SUPT3H: variants seen among roughly 807,000 people sequenced by gnomAD.
The protein encoded by SUPT3H is transcription initiation protein SPT3 homolog.
Under a neutral mutation model 44.3 loss-of-function variants are expected in SUPT3H, and 44 were observed. That is an observed-to-expected ratio of 0.99 (90% CI 0.78 to 1.28). The LOEUF is 1.28. Among genes scored for constraint, SUPT3H ranks in the 50% most tolerant of loss-of-function variants. SUPT3H has a pLI of 0.00. For missense variants in SUPT3H, 380 were observed against 387.1 expected (o/e 0.98, Z 0.15); for synonymous variants, 124 against 125.6 (o/e 0.99, Z 0.09).
intron 2 of SUPT3H, among the ~76,000 whole-genome samples, chr6:45,360,914 T>G (rs2150247826): frequency 6.6e-6 from 1 of 152,328 alleles, no homozygotes; most frequent in South Asian, 2.1e-4. Flanking sequence ...ATTTGTCTCC[T>G]TCTCTACTGC....
chr6:45,083,240 G>A (rs919549908), intron 3 of SUPT3H, among the ~76,000 whole-genome samples: 8 of 151,424 alleles, frequency 5.3e-5, no homozygotes, highest in East Asian at 1.9e-4. Context: ...AGCCCAGGCC[G>A]GAGTGCAGTG....
intron 10 of SUPT3H, among the ~76,000 whole-genome samples, chr6:44,857,267 C>T (rs977732860): frequency 6.6e-6 from 1 of 152,056 alleles, no homozygotes; most frequent in Non-Finnish European, 1.5e-5. Context: ...ACACAAAGCG[C>T]CATAATGGAC....
At chr6:45,199,135 C>A (rs1816573807) in intron 2 of SUPT3H, among the ~76,000 whole-genome samples, 1 of 151,054 alleles carries the variant, frequency 6.6e-6, no homozygotes, top group Non-Finnish European at 1.5e-5. Context: ...TGTATTAACT[C>A]AAAGACAATA....
intron 2 of SUPT3H, among the ~76,000 whole-genome samples, chr6:45,166,974 A>C (rs1182248858): frequency 6.6e-6 from 1 of 152,224 alleles, no homozygotes; most frequent in Non-Finnish European, 1.5e-5. Context: ...CAGTTTTTTA[A>C]ACAGTAAACA....
intron 2 of SUPT3H, among the ~76,000 whole-genome samples, chr6:45,206,833 A>C (rs1763287265): frequency 6.6e-6 from 1 of 152,120 alleles, no homozygotes; most frequent in African/African-American, 2.4e-5. Context: ...TGGCAGCAGG[A>C]GCATGTTTGA....
At chr6:44,988,519 TAA>T (rs66489332) in intron 6 of SUPT3H, among the ~76,000 whole-genome samples, 2,045 of 100,246 alleles carry the variant, frequency 0.02, 26 homozygotes, top group African/African-American at 0.069. Context: ...AAGGCTTAAA[TAA>T]AAAAAAAAAA....
intron 10 of SUPT3H, among the ~76,000 whole-genome samples, chr6:44,908,393 C>T (rs1284184090): frequency 4.6e-5 from 7 of 152,046 alleles, no homozygotes; most frequent in Admixed American, 1.3e-4. Flanking sequence ...CCTCGTGATC[C>T]GCCCACCTAG....
intron 10 of SUPT3H, among the ~76,000 whole-genome samples, chr6:44,847,155 A>G (rs16869119): frequency 0.15 from 23,513 of 152,192 alleles, 2,227 homozygotes; most frequent in Admixed American, 0.28. Flanking sequence ...TGAAAGACTA[A>G]TATTTTTTTT....
chr6:44,875,809 A>G (rs1777169522), intron 10 of SUPT3H, among the ~76,000 whole-genome samples: 1 of 3,628 alleles, frequency 2.8e-4, no homozygotes, highest in Non-Finnish European at 9.2e-4. Context: ...TTTACAAGAA[A>G]AAAACAAACA....
intron 6 of SUPT3H, among the ~76,000 whole-genome samples, chr6:44,987,831 T>A (rs1326712351): frequency 6.6e-6 from 1 of 152,078 alleles, no homozygotes; most frequent in East Asian, 1.9e-4. Context: ...ATGAAGTGAA[T>A]CTGGAGAATG....
intron 3 of SUPT3H, among the ~76,000 whole-genome samples, chr6:45,075,560 C>G (rs1444620227): frequency 6.6e-6 from 1 of 152,092 alleles, no homozygotes; most frequent in East Asian, 1.9e-4. Context: ...ATTTTCTCGT[C>G]ATGAAATTCC....
chr6:45,193,750 A>G (rs1815531213), intron 2 of SUPT3H, among the ~76,000 whole-genome samples: 1 of 152,102 alleles, frequency 6.6e-6, no homozygotes, highest in Non-Finnish European at 1.5e-5. Context: ...TATTCTTGTT[A>G]GCTTTCTTAG....
chr6:44,999,437 G>A (rs1781718796), intron 6 of SUPT3H, among the ~76,000 whole-genome samples: 1 of 151,950 alleles, frequency 6.6e-6, no homozygotes, highest in Non-Finnish European at 1.5e-5. Flanking sequence ...TTAAAAAACA[G>A]TGAATCACTT....
At chr6:45,279,710 C>A (rs1172064682) in intron 2 of SUPT3H, among the ~76,000 whole-genome samples, 3 of 152,238 alleles carry the variant, frequency 2.0e-5, no homozygotes, top group South Asian at 2.1e-4. Flanking sequence ...TCATAAATTA[C>A]CGAGTTCACA....
intron 10 of SUPT3H, among the ~76,000 whole-genome samples, chr6:44,876,637 A>T (rs7747642): frequency 0.52 from 74,391 of 144,380 alleles, 18,684 homozygotes; most frequent in East Asian, 0.7. Flanking sequence ...CATGTACCCT[A>T]AAACTTAAAG....
rs747035781 is a variant in SUPT3H at position 44,932,679 on chromosome 6, T to A, written c.886A>T (p.Arg296Trp). The A allele has an allele frequency of 1.1e-5, 18 of 1,611,218 alleles. No homozygotes were observed. The highest frequency in any genetic ancestry group is 1.5e-5 in the Non-Finnish European group (18 of 1,178,848). ...GTGAATGGGGAAAGTGGGCCAATCC[T>A]GTGGCTGTAGCGTCGAATGGCCTCT... ...IREAIRRYSHRIGPLSPFTNA... is the reference protein window; with the variant it reads ...IREAIRRYSHWIGPLSPFTNA... Residue 296 changes from arginine to tryptophan, a missense_variant, in exon 10 of 11, where the codon AGG (arginine) becomes TGG (tryptophan). Physicochemically the swap from Arg to Trp is moderately radical, Grantham distance 101. Coordinates refer to ENST00000371459, the MANE Select transcript of SUPT3H (RefSeq NM_003599.4).
intron 2 of SUPT3H, among the ~76,000 whole-genome samples, chr6:45,258,853 A>G (rs1039067201): frequency 2.6e-5 from 4 of 152,210 alleles, no homozygotes; most frequent in East Asian, 1.9e-4. Context: ...TTAAGTTACA[A>G]GGCTTCAAAG....
intron 2 of SUPT3H, among the ~76,000 whole-genome samples, chr6:45,236,762 ATAT>A (rs895523211): frequency 7.2e-5 from 11 of 151,962 alleles, no homozygotes; most frequent in Non-Finnish European, 1.2e-4. Context: ...CAACAGGGAA[ATAT>A]TATAGCTACA....
intron 3 of SUPT3H, among the ~76,000 whole-genome samples, chr6:45,043,134 T>TACACATAC (rs2153531098): frequency 2.0e-5 from 1 of 50,564 alleles, no homozygotes; most frequent in Admixed American, 2.5e-4. Context: ...GTATCTTACA[T>TACACATAC]ACACACATAC....
Sources: allele counts gnomAD v4.1 joint callset (sites outside exome capture counted in the v4.1 genomes callset), GRCh38; gene constraint gnomAD v4.1.1; transcripts MANE v1.5; gene names NCBI Gene and HGNC (gene_info 2026-07-23, HGNC 2026-07-21).